The following LARGE1 variants were observed in gnomAD, a reference collection of about 807,000 sequenced individuals.
LARGE1 encodes the protein LARGE xylosyl- and glucuronyltransferase 1.
In LARGE1, 43 loss-of-function variants were observed where a neutral mutation model predicts 87.6. The observed-to-expected ratio is 0.49, with a 90% confidence interval of 0.38 to 0.63. The LOEUF (loss-of-function observed/expected upper bound fraction) is 0.63, where lower values mean the gene tolerates loss of function less well. Among genes scored for constraint, LARGE1 ranks in the 30% least tolerant of loss-of-function variants. The pLI, the probability that LARGE1 is intolerant of heterozygous loss-of-function variation, is 0.00. For missense variants in LARGE1, 802 were observed against 1,000.2 expected (o/e 0.80, Z 2.67); for synonymous variants, 434 against 394.6 (o/e 1.10, Z -1.18).
At chr22:33,512,636 C>T (rs1193267555) in intron 6 of LARGE1, among the ~76,000 whole-genome samples, 1 of 152,076 alleles carries the variant, frequency 6.6e-6, no homozygotes, top group Non-Finnish European at 1.5e-5. Flanking sequence ...AACCCCATCT[C>T]TACTAAAATA....
chr22:33,700,162 C>T (rs921987641), intron 2 of LARGE1, among the ~76,000 whole-genome samples: 4 of 152,160 alleles, frequency 2.6e-5, no homozygotes, highest in African/African-American at 7.2e-5. Flanking sequence ...GTCCTGGGAA[C>T]AGCAGCATCA....
chr22:33,910,985 G>A (rs1010190204), intron 1 of LARGE1, among the ~76,000 whole-genome samples: 3 of 152,220 alleles, frequency 2.0e-5, no homozygotes, highest in African/African-American at 7.2e-5. Flanking sequence ...CTTCTTCATG[G>A]CTGTGGGCCT....
intron 1 of LARGE1, among the ~76,000 whole-genome samples, chr22:33,917,480 A>G (rs924351377): frequency 1.5e-4 from 23 of 152,320 alleles, no homozygotes; most frequent in African/African-American, 5.3e-4. Context: ...CTCTAAGTAT[A>G]CGGAATGTAT....
intron 7 of LARGE1, among the ~76,000 whole-genome samples, chr22:33,414,791 G>C (rs1198486240): frequency 6.6e-6 from 1 of 152,028 alleles, no homozygotes; most frequent in Non-Finnish European, 1.5e-5. Context: ...CTCAAGAATG[G>C]GATTTGTGCC....
At chr22:33,355,956 A>G (rs1940851746) in intron 9 of LARGE1, among the ~76,000 whole-genome samples, 1 of 152,164 alleles carries the variant, frequency 6.6e-6, no homozygotes, top group Non-Finnish European at 1.5e-5. Flanking sequence ...GATCAACAAA[A>G]TCAATCAGAT....
At chr22:33,074,715 G>GA in the LARGE1 span, among the ~76,000 whole-genome samples, 3 of 150,576 alleles carry the variant, frequency 2.0e-5, no homozygotes, top group African/African-American at 5.0e-5. Flanking sequence ...AAGAAAAAAA[G>GA]AAAAAAATCA....
At chr22:33,476,244 T>C (rs1040898678) in intron 6 of LARGE1, among the ~76,000 whole-genome samples, 5 of 152,260 alleles carry the variant, frequency 3.3e-5, no homozygotes, top group Admixed American at 3.3e-4. Flanking sequence ...GATTGCTTCC[T>C]CTGCCCTATT....
At chr22:33,827,525 G>C (rs1473498284) in intron 1 of LARGE1, among the ~76,000 whole-genome samples, 2 of 152,146 alleles carry the variant, frequency 1.3e-5, no homozygotes, top group Non-Finnish European at 2.9e-5. Context: ...AGCAATTCTG[G>C]GTTAGCCCCG....
intron 5 of LARGE1, among the ~76,000 whole-genome samples, chr22:33,587,740 T>C (rs2078718282): frequency 6.6e-6 from 1 of 152,138 alleles, no homozygotes; most frequent in African/African-American, 2.4e-5. Context: ...TTAAGATTTT[T>C]TTTTTTTCAT....
chr22:33,889,795 T>TATTC (rs2064956818), intron 1 of LARGE1, among the ~76,000 whole-genome samples: 1 of 152,354 alleles, frequency 6.6e-6, no homozygotes, highest in African/African-American at 2.4e-5. Flanking sequence ...AATAAAAATG[T>TATTC]ATTCATTCAT....
At chr22:33,130,183 G>A in the LARGE1 span, among the ~76,000 whole-genome samples, 51,849 of 150,164 alleles carry the variant, frequency 0.35, 9,158 homozygotes, top group South Asian at 0.46. Context: ...GCGTGGTGGT[G>A]GGCGCCTGTA....
intron 1 of LARGE1, among the ~76,000 whole-genome samples, chr22:33,853,005 C>T (rs1008505578): frequency 3.3e-5 from 5 of 151,914 alleles, no homozygotes; most frequent in African/African-American, 4.8e-5. Context: ...GCAAGCCCTC[C>T]GCCATATGAA....
At chr22:33,337,021 A>G (rs990716681) in intron 10 of LARGE1, among the ~76,000 whole-genome samples, 4 of 151,178 alleles carry the variant, frequency 2.6e-5, no homozygotes, top group Admixed American at 6.6e-5. Flanking sequence ...AGATCACGCC[A>G]CTGCACTCCA....
chr22:33,548,882 A>T (rs1408455964), intron 6 of LARGE1, among the ~76,000 whole-genome samples: 1 of 152,232 alleles, frequency 6.6e-6, no homozygotes, highest in African/African-American at 2.4e-5. Context: ...ATGGGATATG[A>T]CCTGTGGTCA....
At chr22:33,469,462 C>A (rs1475713953) in intron 6 of LARGE1, among the ~76,000 whole-genome samples, 1 of 152,122 alleles carries the variant, frequency 6.6e-6, no homozygotes, top group African/African-American at 2.4e-5. Flanking sequence ...TAAGTGAAAA[C>A]CAAACACTGA....
rs187954351 is a variant in LARGE1, at chr22:33,581,098, T to G, written c.616-16079A>C. 3.3e-5 allele frequency among the ~76,000 whole-genome samples: 5 copies of G among 152,346 alleles called. No homozygotes were observed. The East Asian group carries it at 9.6e-4, about 29-fold the overall frequency. The stretch of plus-strand genomic sequence containing the variant: ...TCATTGGATGCTTGAAATAAGTTTG[T>G]GAATTAAGCAAGTAAGGGATTCATA... On this transcript the variant is annotated intron_variant, in intron 5 of 14. Transcript: ENST00000397394.
chr22:33,359,560 CTTTTT>C (rs539990533), intron 9 of LARGE1, among the ~76,000 whole-genome samples: 1 of 119,240 alleles, frequency 8.4e-6, no homozygotes, highest in African/African-American at 3.1e-5. Context: ...GCAGACTCAT[CTTTTT>C]TTTTTTTTTT....
At chr22:33,241,628 G>A (rs966511326) in intron 11 of LARGE1, among the ~76,000 whole-genome samples, 7 of 151,622 alleles carry the variant, frequency 4.6e-5, no homozygotes, top group African/African-American at 1.7e-4. Flanking sequence ...GTACATATAT[G>A]TATATATGTA....
chr22:33,079,087 C>T, the LARGE1 span, among the ~76,000 whole-genome samples: 1 of 152,106 alleles, frequency 6.6e-6, no homozygotes, highest in African/African-American at 2.4e-5. Flanking sequence ...GCCTCAGTTT[C>T]TCATCTATGC....
Sources: gnomAD v4.1 joint callset for allele counts (sites outside exome capture counted in the v4.1 genomes callset) on GRCh38, gnomAD v4.1.1 for gene constraint, MANE v1.5 for transcripts, NCBI Gene and HGNC (gene_info 2026-07-23, HGNC 2026-07-21) for gene names.